ADGRB1: variants seen among roughly 807,000 people sequenced by gnomAD.
ADGRB1 encodes the protein brain-specific angiogenesis inhibitor 1.
ADGRB1 carries 36 observed loss-of-function variants against 175.7 expected under a neutral mutation model. The ratio of observed to expected loss-of-function variants is 0.20; its 90% CI spans 0.16 to 0.27. ADGRB1 has a LOEUF of 0.27. ADGRB1 is among the 10% of genes least tolerant of loss of function. The probability of loss-of-function intolerance (pLI) is 1.00; values close to 1 mark genes in which losing one functional copy is unlikely to be tolerated. For missense variants in ADGRB1, 1,731 were observed against 2,255.3 expected, an observed-to-expected ratio of 0.77 and a Z score of 4.71; for synonymous variants, 1,054 against 979.4, an observed-to-expected ratio of 1.08 and a Z score of -1.42.
rs1250830501 is a variant in ADGRB1, at chr8:142,493,456, G to A, written c.2675+2641G>A. Among the ~76,000 whole-genome samples, 3 of 152,180 alleles carry A rather than the reference G, an allele frequency of 2.0e-5. No individual in the cohort carries two copies. The highest frequency in any genetic ancestry group is 4.4e-5 in the Non-Finnish European group (3 of 68,038). ...CAGGTGTGGGGAAGGCCCAGGACCC[G>A]CCAGTCACACCAGGTGTTCCACCCA... On this transcript the variant is annotated intron_variant, in intron 17 of 30. Coordinates refer to ENST00000517894, the MANE Select transcript of ADGRB1 (RefSeq NM_001702.3). The surrounding 1 kb of genome is among the most constrained non-coding windows in gnomAD (Gnocchi z 5.0).
chr8:142,499,367 C>T (rs1315734691), intron 17 of ADGRB1, among the ~76,000 whole-genome samples: 1 of 152,234 alleles, frequency 6.6e-6, no homozygotes, highest in African/African-American at 2.4e-5. Flanking sequence ...CACCGTCCTA[C>T]CCTCCAAGTC....
Position 142,464,110 on chromosome 8 carries a change from C to A in ADGRB1, c.-89C>A. ...CGCCTCCCTGCCCCCACCGGGCCGG[C>A]CCTGCCCGCCGCCGGACCCTGGCAT... is the stretch of plus-strand genomic sequence containing the variant. On this transcript the variant is annotated 5_prime_UTR_variant, in exon 2 of 31. Coordinates refer to ENST00000517894, the MANE Select transcript of ADGRB1 (RefSeq NM_001702.3). 1 of 1,020,718 alleles carries A rather than the reference C, an allele frequency of 9.8e-7. No homozygotes were observed. Among genetic ancestry groups the A allele is most frequent in the Non-Finnish European group, 1.2e-6 (1 of 819,244 alleles). The allele number at this position is 1,020,718 out of a possible 1,614,324, so 63.2% of individuals were successfully genotyped here.
intron 13 of ADGRB1, among the ~76,000 whole-genome samples, chr8:142,487,702 A>T (rs1341789262): frequency 4.6e-5 from 7 of 151,918 alleles, no homozygotes; most frequent in African/African-American, 1.5e-4. Flanking sequence ...GTTGCCCCAA[A>T]CCTGCTGCCT....
At chr8:142,466,932 G>A (rs573477951) in intron 2 of ADGRB1, among the ~76,000 whole-genome samples, 80 of 152,340 alleles carry the variant, frequency 5.3e-4, no homozygotes, top group Middle Eastern at 3.4e-3. Context: ...CAGTTGATGG[G>A]TCTCAGGGGC....
rs1845288962 is a variant in ADGRB1 at position 142,541,842 on chromosome 8, G to A, written c.3707-99G>A. The stretch of plus-strand genomic sequence containing the variant: ...GGCCAGGGTCTCCCAGGAGGTGGCG[G>A]CCTCGCAGGGCAGACTGGGCCCCTC... On this transcript the variant is annotated intron_variant, in intron 27 of 30. Coordinates refer to ENST00000517894, the MANE Select transcript of ADGRB1 (RefSeq NM_001702.3). The A allele has an allele frequency of 7.8e-6, 10 of 1,284,840 alleles. No homozygotes were observed. The South Asian group carries it at 1.3e-4, about 17-fold the overall frequency. The allele number at this position is 1,284,840 out of a possible 1,614,324, so 79.6% of individuals were successfully genotyped here. A position where few individuals can be genotyped will look rare whatever the true frequency, so the allele number is the denominator to read the frequency against.
In ADGRB1 at chr8:142,469,414, TGA is replaced by T. The variant is rs537434392; in HGVS notation, c.784+4434_784+4435del. 2.5e-3 allele frequency among the ~76,000 whole-genome samples: 365 copies of T among 148,244 alleles called. 2 individuals carry two copies. Among genetic ancestry groups the T allele is most frequent in the African/African-American group, 8.4e-3 (336 of 40,120 alleles). On this transcript the variant is annotated intron_variant, in intron 2 of 30. Transcript: ENST00000517894. ...GTATGTGCACATGCAGATGTGAATGTGAGTGTGTGCACGTGTGAATGAGTGTG... is the reference window on the plus strand; with the variant it reads ...GTATGTGCACATGCAGATGTGAATGTGTGTGTGCACGTGTGAATGAGTGTG...
rs1245179654 is a variant in ADGRB1, at chr8:142,474,707, C to T, written c.785-767C>T. Among the ~76,000 whole-genome samples the T allele has an allele frequency of 6.6e-6, 1 of 152,144 alleles. No individual in the cohort carries two copies. Among genetic ancestry groups the T allele is most frequent in the Non-Finnish European group, 1.5e-5 (1 of 68,020 alleles). On this transcript the variant is annotated intron_variant, in intron 2 of 30. Transcript: ENST00000517894. This position sits in a 1 kb window ranked among gnomAD's most constrained non-coding sequence, Gnocchi z 5.8. Reference sequence around the variant, plus strand: ...TCTGGTTTGCTAGGGGAACACAGGTCCATGAAGGCCGCGGGGACTGTCGGG... The same window carrying T: ...TCTGGTTTGCTAGGGGAACACAGGTTCATGAAGGCCGCGGGGACTGTCGGG...
intron 27 of ADGRB1, among the ~76,000 whole-genome samples, chr8:142,541,334 A>G (rs1012549989): frequency 1.3e-5 from 2 of 152,078 alleles, no homozygotes; most frequent in African/African-American, 2.4e-5. Context: ...GCAACTGACC[A>G]GAGACAGAAT....
intron 17 of ADGRB1, among the ~76,000 whole-genome samples, chr8:142,491,349 G>A (rs115909561): frequency 2.6e-3 from 395 of 152,376 alleles, no homozygotes; most frequent in African/African-American, 7.7e-3. Context: ...GGCACAGCTG[G>A]AGCAAGTTCC....
chr8:142,502,606 G>GAGGCA (rs1842676297), intron 17 of ADGRB1, among the ~76,000 whole-genome samples: 1 of 149,556 alleles, frequency 6.7e-6, no homozygotes, highest in African/African-American at 2.5e-5. Context: ...TTTGATGATG[G>GAGGCA]GGTGGTGGCT....
At chr8:142,459,041 G>A (rs1271093428) in intron 1 of ADGRB1, among the ~76,000 whole-genome samples, 1 of 152,210 alleles carries the variant, frequency 6.6e-6, no homozygotes, top group Non-Finnish European at 1.5e-5. Context: ...AGCAATGGGG[G>A]CAACCCATGA....
chr8:142,544,250 C>G lies in ADGRB1; in HGVS notation c.4588C>G (p.Pro1530Ala). 3 of 1,549,214 alleles carry G rather than the reference C, an allele frequency of 1.9e-6. No individual in the cohort carries two copies. In the South Asian group the frequency reaches 3.6e-5, roughly 18 times the overall value. The change falls in exon 31 of 31, where the codon CCC (proline) becomes GCC (alanine). Residue 1530 changes from proline (P) to alanine (A), a missense_variant. This residue lies in a region of ADGRB1 where 394 missense variants were observed against 410.2 expected (regional missense o/e 0.96). Coordinates refer to ENST00000517894, the MANE Select transcript of ADGRB1 (RefSeq NM_001702.3). ...AAAGCAGCAGACGCCCAACAAGAGG[C>G]CCTGGGAGAGCCTCCGGAAAGCCCA... is the stretch of plus-strand genomic sequence containing the variant. ...PEKQQTPNKRPWESLRKAHGT... is the reference protein window; with the variant it reads ...PEKQQTPNKRAWESLRKAHGT...
chr8:142,469,060 CA>C (rs1156663892), intron 2 of ADGRB1, among the ~76,000 whole-genome samples: 1 of 152,252 alleles, frequency 6.6e-6, no homozygotes, highest in African/African-American at 2.4e-5. Context: ...AGGCTGATGG[CA>C]GAGCCCCTTG....
intron 25 of ADGRB1, among the ~76,000 whole-genome samples, chr8:142,534,535 C>T (rs2132236000): frequency 6.6e-6 from 1 of 152,270 alleles, no homozygotes. Flanking sequence ...GTGTGAACGC[C>T]CCTCTCAAGG....
intron 14 of ADGRB1, 147 bp downstream of exon 14, chr8:142,488,654 C>T (rs1169895346): frequency 8.8e-7 from 1 of 1,133,026 alleles, no homozygotes; most frequent in Non-Finnish European, 1.2e-6. Flanking sequence ...CCTCCTTGCC[C>T]TCTCTGGGGC....
At position 142,455,801 on chromosome 8, in the gene ADGRB1, A is replaced by C. The variant is rs1839635827; in HGVS notation, c.-220+5697A>C. On this transcript the variant is annotated intron_variant, in intron 1 of 30. Transcript: ENST00000517894. This position sits in a 1 kb window ranked among gnomAD's most constrained non-coding sequence, Gnocchi z 4.9. The stretch of plus-strand genomic sequence containing the variant: ...TGGCCTGGGTGCAAGGCGGGGAAGG[A>C]GGCTTCCAAAGCCCACACCCCACCC... Among the ~76,000 whole-genome samples, 1 of 152,054 alleles carries C rather than the reference A, an allele frequency of 6.6e-6. No individual in the cohort carries two copies. The highest frequency in any genetic ancestry group is 6.6e-5 in the Admixed American group (1 of 15,262).
At chr8:142,481,108 A>T (rs1022519048) in intron 9 of ADGRB1, 146 bp from the exon 10 acceptor site, 6 of 692,698 alleles carry the variant, frequency 8.7e-6, no homozygotes, top group African/African-American at 3.5e-5. Context: ...CCCTGCGTGG[A>T]CTCTGCTCTC....
At chr8:142,536,358 AC>A (rs1844923419) in intron 25 of ADGRB1, among the ~76,000 whole-genome samples, 1 of 151,878 alleles carries the variant, frequency 6.6e-6, no homozygotes, top group African/African-American at 2.4e-5. Flanking sequence ...TCCAGTCTTT[AC>A]CTCCTTGGGA....
intron 19 of ADGRB1, among the ~76,000 whole-genome samples, chr8:142,518,960 T>A (rs67091000): frequency 6.6e-6 from 1 of 152,054 alleles, no homozygotes; most frequent in Non-Finnish European, 1.5e-5. Flanking sequence ...TGACTGCCTG[T>A]CTGCTGCCCA....
Sources: gnomAD v4.1 joint callset for allele counts (sites outside exome capture counted in the v4.1 genomes callset) on GRCh38, gnomAD v4.1.1 for gene constraint, gnomAD v4.1.1 regional missense constraint, Gnocchi (gnomAD v3.1) non-coding constraint, MANE v1.5 for transcripts, NCBI Gene and HGNC (gene_info 2026-07-23, HGNC 2026-07-21) for gene names.